NUDCD1: variants seen among roughly 807,000 people sequenced by gnomAD.
NUDCD1 encodes nudC domain-containing protein 1.
NUDCD1 carries 60 observed loss-of-function variants against 67.8 expected under a neutral mutation model. That is an observed-to-expected ratio of 0.88 (90% CI 0.72 to 1.10). The LOEUF (loss-of-function observed/expected upper bound fraction) is 1.10. Ranked by LOEUF, NUDCD1 falls within the 50% of genes least tolerant of loss-of-function variation. The probability of loss-of-function intolerance (pLI) is 0.00; values close to 1 mark genes in which losing one functional copy is unlikely to be tolerated. For missense variants in NUDCD1, 643 were observed against 695.0 expected (o/e 0.93, Z 0.84); for synonymous variants, 244 against 230.8 (o/e 1.06, Z -0.52).
intron 7 of NUDCD1, among the ~76,000 whole-genome samples, chr8:109,272,834 T>A (rs919290710): frequency 2.0e-5 from 3 of 152,090 alleles, no homozygotes; most frequent in African/African-American, 7.2e-5. Flanking sequence ...TGGGAACAAT[T>A]ATGGTTGCTG....
chr8:109,302,862 T>C (rs941319875), intron 2 of NUDCD1, among the ~76,000 whole-genome samples: 10 of 152,098 alleles, frequency 6.6e-5, no homozygotes, highest in Non-Finnish European at 1.5e-4. Flanking sequence ...ACCCACTCCC[T>C]ACATTAAAAA....
At chr8:109,282,614 A>T (rs776654870) in intron 5 of NUDCD1, among the ~76,000 whole-genome samples, 4 of 150,536 alleles carry the variant, frequency 2.7e-5, no homozygotes, top group Non-Finnish European at 5.9e-5. Context: ...GTTCTCACTC[A>T]TAAGTGGGAG....
chr8:109,284,092 GA>G, intron 5 of NUDCD1, among the ~76,000 whole-genome samples: 1 of 151,950 alleles, frequency 6.6e-6, no homozygotes, highest in South Asian at 2.1e-4. Flanking sequence ...TAAAGGGCTG[GA>G]AAAAAACTTG....
chr8:109,333,219 G>T (rs1378178670), intron 1 of NUDCD1, among the ~76,000 whole-genome samples: 1 of 152,154 alleles, frequency 6.6e-6, no homozygotes, highest in Non-Finnish European at 1.5e-5. Context: ...AGAATCAGCA[G>T]GGGTGTGAAT....
At chr8:109,307,629 C>T (rs1815141011) in intron 2 of NUDCD1, among the ~76,000 whole-genome samples, 1 of 152,082 alleles carries the variant, frequency 6.6e-6, no homozygotes, top group African/African-American at 2.4e-5. Flanking sequence ...AGAATGGTAC[C>T]TTACATCTCA....
intron 4 of NUDCD1, among the ~76,000 whole-genome samples, chr8:109,291,583 T>C (rs957824204): frequency 1.3e-5 from 2 of 148,498 alleles, no homozygotes; most frequent in Admixed American, 6.6e-5. Context: ...TTTACGAAAA[T>C]ACTGTTCTGT....
At chr8:109,300,746 A>G (rs1400000389) in intron 2 of NUDCD1, among the ~76,000 whole-genome samples, 1 of 152,216 alleles carries the variant, frequency 6.6e-6, no homozygotes, top group Non-Finnish European at 1.5e-5. Flanking sequence ...AGAAGCACAA[A>G]GAACATCTGG....
chr8:109,275,638 T>A, intron 6 of NUDCD1, 142 bp from the exon 7 acceptor site: 2 of 688,482 alleles, frequency 2.9e-6, no homozygotes, highest in Non-Finnish European at 4.7e-6. Context: ...ATCTTGCTCA[T>A]TTAAGTTTTG....
At chr8:109,289,673 T>G in intron 5 of NUDCD1, 78 bp downstream of exon 5, 1 of 744,844 alleles carries the variant, frequency 1.3e-6, no homozygotes, top group East Asian at 3.0e-5. Flanking sequence ...GTAGAACTAT[T>G]AACCTAACTG....
At chr8:109,287,185 G>C (rs1003574088) in intron 5 of NUDCD1, among the ~76,000 whole-genome samples, 1 of 152,182 alleles carries the variant, frequency 6.6e-6, no homozygotes, top group South Asian at 2.1e-4. Context: ...TACACTATTG[G>C]TGGGAATGTC....
chr8:109,297,467 C>T (rs1814871772), intron 2 of NUDCD1, among the ~76,000 whole-genome samples: 1 of 152,202 alleles, frequency 6.6e-6, no homozygotes, highest in South Asian at 2.1e-4. Context: ...GGGCTCCACA[C>T]TGGTGATTGG....
chr8:109,290,267 G>A (rs1308608868), intron 4 of NUDCD1, among the ~76,000 whole-genome samples: 4 of 152,042 alleles, frequency 2.6e-5, no homozygotes, highest in Non-Finnish European at 5.9e-5. Flanking sequence ...GCCACACATG[G>A]CTAGTAGCTA....
At chr8:109,298,146 T>G (rs1051513914) in intron 2 of NUDCD1, among the ~76,000 whole-genome samples, 23 of 152,206 alleles carry the variant, frequency 1.5e-4, no homozygotes, top group African/African-American at 5.5e-4. Flanking sequence ...AGAGCTCACA[T>G]TAAGTTTGTA....
intron 8 of NUDCD1, among the ~76,000 whole-genome samples, chr8:109,252,764 A>T (rs561133324): frequency 1.3e-5 from 2 of 152,120 alleles, no homozygotes; most frequent in Non-Finnish European, 2.9e-5. Flanking sequence ...TTTTCCTTAG[A>T]TTTTAAGCTG....
chr8:109,322,500 T>G (rs1237267298), intron 1 of NUDCD1, 37 bp from the exon 2 acceptor site: 1 of 1,544,876 alleles, frequency 6.5e-7, no homozygotes. Flanking sequence ...ACATCAAGAG[T>G]TTTGCCTCAG....
rs183347407 is a variant in NUDCD1 at position 109,241,716 on chromosome 8, G to A, written c.*1293C>T. 11 of 173,474 alleles carry A rather than the reference G, an allele frequency of 6.3e-5. No homozygotes were observed. The highest frequency in any genetic ancestry group is 1.2e-4 in the African/African-American group (5 of 41,980). The allele number at this position is 173,474 out of a possible 1,614,324, so 10.7% of individuals were successfully genotyped here. On this transcript the variant is annotated 3_prime_UTR_variant, in exon 10 of 10. Transcript: ENST00000239690. The stretch of plus-strand genomic sequence containing the variant: ...TTTTCCTCCTCTCTGTCATTCATTC[G>A]TTCATTAAAATTTAGTTGAGTCAAA...
chr8:109,251,187 T>C (rs1309146706), intron 8 of NUDCD1, among the ~76,000 whole-genome samples: 3 of 151,222 alleles, frequency 2.0e-5, no homozygotes, highest in Non-Finnish European at 4.4e-5. Flanking sequence ...TTTTTCTTTT[T>C]TTTTTGGAGA....
chr8:109,268,578 G>A (rs1432483690), intron 8 of NUDCD1, among the ~76,000 whole-genome samples: 1 of 152,152 alleles, frequency 6.6e-6, no homozygotes, highest in East Asian at 1.9e-4. Context: ...GTACTAAGAT[G>A]AACTGAAATT....
intron 5 of NUDCD1, among the ~76,000 whole-genome samples, chr8:109,281,470 T>C (rs1256383904): frequency 1.3e-5 from 2 of 152,012 alleles, no homozygotes; most frequent in Non-Finnish European, 2.9e-5. Context: ...TTCCTCCCTC[T>C]TTCACTCCTT....
Sources: allele counts gnomAD v4.1 joint callset (sites outside exome capture counted in the v4.1 genomes callset), GRCh38; gene constraint gnomAD v4.1.1; transcripts MANE v1.5; gene names NCBI Gene and HGNC (gene_info 2026-07-23, HGNC 2026-07-21).